PKHD1L1: variants seen among roughly 807,000 people sequenced by gnomAD.
The protein encoded by PKHD1L1 is fibrocystin-L.
Under a neutral mutation model 462.9 loss-of-function variants are expected in PKHD1L1, and 434 were observed. The ratio of observed to expected loss-of-function variants is 0.94; its 90% CI spans 0.87 to 1.02. The LOEUF is 1.02. Ranked by LOEUF, PKHD1L1 falls within the 50% of genes least tolerant of loss-of-function variation. PKHD1L1 has a pLI of 0.00. For synonymous variants in PKHD1L1, 1,781 were observed against 1,750.0 expected, an observed-to-expected ratio of 1.02 and a Z score of -0.44; for missense variants, 5,202 against 5,096.1, an observed-to-expected ratio of 1.02 and a Z score of -0.63.
intron 50 of PKHD1L1, chr8:109,470,237 A>T (rs971694433): frequency 1.5e-6 from 2 of 1,302,730 alleles, no homozygotes; most frequent in Non-Finnish European, 2.2e-6. Context: ...TGTTGGAAAT[A>T]CTCAGATCAT....
At chr8:109,429,562 G>A (rs1814972682) in intron 26 of PKHD1L1, 100 bp downstream of exon 26, 1 of 1,113,668 alleles carries the variant, frequency 9.0e-7, no homozygotes, top group African/African-American at 1.6e-5. Context: ...TTTGACTTCT[G>A]TATTTCATGG....
Position 109,443,709 on chromosome 8 carries a change from T to G in PKHD1L1, c.4598T>G (p.Val1533Gly). The G allele has an allele frequency of 1.2e-6, 2 of 1,613,446 alleles. No individual in the cohort carries two copies. The highest frequency in any genetic ancestry group is 1.7e-6 in the Non-Finnish European group (2 of 1,179,620). The change falls in exon 37 of 78, where the codon GTG becomes GGG. Residue 1533 changes from valine (V) to glycine (G), a missense_variant. Coordinates refer to ENST00000378402, the MANE Select transcript of PKHD1L1 (RefSeq NM_177531.6). ...GAGAATTTGCACTTGGGAAGCTCTGTGGCAGGCTGCCTAGCAACAGAACCC... is the reference window on the plus strand; with the variant it reads ...GAGAATTTGCACTTGGGAAGCTCTGGGGCAGGCTGCCTAGCAACAGAACCC... The part of the protein sequence containing the change: ...GPENLHLGSS[V>G]AGCLATEPLC...
chr8:109,398,744 G>A (rs1813102629), intron 12 of PKHD1L1, among the ~76,000 whole-genome samples, 196 bp downstream of exon 12: 1 of 151,948 alleles, frequency 6.6e-6, no homozygotes. Context: ...CTGTACCTAT[G>A]GAGAAAAACC....
At chr8:109,470,766 C>T in intron 50 of PKHD1L1, 1 of 1,537,580 alleles carries the variant, frequency 6.5e-7, no homozygotes. Context: ...GTAGGGAGGA[C>T]TGTTTTTTCA....
intron 2 of PKHD1L1, among the ~76,000 whole-genome samples, chr8:109,367,607 G>A (rs1293285206): frequency 1.3e-5 from 2 of 152,232 alleles, no homozygotes; most frequent in African/African-American, 2.4e-5. Flanking sequence ...GTTGGGCTGG[G>A]CACGTTGGTC....
chr8:109,415,032 C>T (rs913697422), intron 21 of PKHD1L1, among the ~76,000 whole-genome samples: 3 of 150,680 alleles, frequency 2.0e-5, no homozygotes, highest in African/African-American at 7.3e-5. Flanking sequence ...GGGTCTGATT[C>T]TGTCACCGTG....
At chr8:109,370,750 C>T (rs1028475250) in intron 2 of PKHD1L1, among the ~76,000 whole-genome samples, 3 of 152,038 alleles carry the variant, frequency 2.0e-5, no homozygotes, top group Non-Finnish European at 2.9e-5. Flanking sequence ...TGAGTGAGAA[C>T]ATGTGGTGTT....
chr8:109,378,037 T>C (rs1472026993), intron 2 of PKHD1L1, among the ~76,000 whole-genome samples: 1 of 152,148 alleles, frequency 6.6e-6, no homozygotes, highest in African/African-American at 2.4e-5. Flanking sequence ...ACTGTTATTC[T>C]GCCCATCTGA....
Position 109,536,385 on chromosome 8 carries a change from T to C in PKHD1L1, c.*6295T>C, listed in dbSNP as rs111590546. Among the ~76,000 whole-genome samples the C allele has an allele frequency of 1.8e-3, 276 of 152,372 alleles. 2 individuals carry two copies. The highest frequency in any genetic ancestry group is 6.3e-3 in the African/African-American group (264 of 41,582). On this transcript the variant is annotated 3_prime_UTR_variant, in exon 78 of 78. Transcript: ENST00000378402. ...TGTAGCTCAATGAATGAGTCTCACA[T>C]TGTTTCATGTTGTTTTATTTCTACT...
intron 72 of PKHD1L1, 45 bp from the exon 73 acceptor site, chr8:109,518,122 A>T: frequency 8.3e-7 from 1 of 1,206,530 alleles, no homozygotes; most frequent in Non-Finnish European, 1.2e-6. Flanking sequence ...GATTGTGATA[A>T]TATAAAATAC....
At position 109,466,663 on chromosome 8, in the gene PKHD1L1, C is replaced by A. The variant is rs377729726; in HGVS notation, c.8499C>A (p.Phe2833Leu). The A allele has an allele frequency of 6.2e-7, 1 of 1,611,320 alleles. No homozygotes were observed. The highest frequency in any genetic ancestry group is 8.5e-7 in the Non-Finnish European group (1 of 1,178,754). Residue 2833 changes from phenylalanine to leucine, a missense_variant, in exon 50 of 78, where the codon TTC (phenylalanine) becomes TTA (leucine). Around this residue, in one of 3 missense-constraint regions of PKHD1L1, gnomAD observed 4,497 missense variants for 4,336.8 expected, o/e 1.04. Coordinates refer to ENST00000378402, the MANE Select transcript of PKHD1L1 (RefSeq NM_177531.6). ...CTQEAEWSIG[F>L]PGSVCDASVS... ...AGGAAGCTGAGTGGAGCATTGGGTT[C>A]CCTGGATCAGTCTGTGATGCTTCAG...
chr8:109,447,729 G>A (rs1297414709), intron 38 of PKHD1L1, among the ~76,000 whole-genome samples: 1 of 152,232 alleles, frequency 6.6e-6, no homozygotes, highest in East Asian at 1.9e-4. Flanking sequence ...CTCCTCAAAA[G>A]AGCTGCTAAT....
chr8:109,475,783 G>A (rs1413203503), intron 51 of PKHD1L1, among the ~76,000 whole-genome samples: 2 of 147,060 alleles, frequency 1.4e-5, no homozygotes, highest in African/African-American at 2.5e-5. Context: ...AAGAGGCAGA[G>A]GTTGCAGTGA....
chr8:109,425,551 TTAAAAGTCTGCAAAAATTTATA>T (rs1171609249), intron 24 of PKHD1L1, among the ~76,000 whole-genome samples: 1 of 152,078 alleles, frequency 6.6e-6, no homozygotes, highest in African/African-American at 2.4e-5. Context: ...AATAATATTT[TTAAAAGTCTGCAAAAATTTATA>T]ACAATTTTTT....
At chr8:109,401,185 C>CT (rs1471840318) in intron 13 of PKHD1L1, among the ~76,000 whole-genome samples, 1 of 152,024 alleles carries the variant, frequency 6.6e-6, no homozygotes, top group Non-Finnish European at 1.5e-5. Context: ...CAATAACTAC[C>CT]TTTTTCCTGG....
chr8:109,445,144 G>A lies in PKHD1L1; in HGVS notation c.5275G>A (p.Val1759Ile), dbSNP rs1269498962. 6.2e-7 allele frequency: 1 copy of A among 1,613,904 alleles called. No individual in the cohort carries two copies. The highest frequency in any genetic ancestry group is 1.3e-5 in the African/African-American group (1 of 75,024). The change falls in exon 38 of 78, where the codon GTC becomes ATC. Residue 1759 changes from valine to isoleucine, a missense_variant. Val to Ile is a conservative substitution (Grantham distance 29). Around this residue, in one of 3 missense-constraint regions of PKHD1L1, gnomAD observed 4,497 missense variants for 4,336.8 expected, o/e 1.04. Coordinates refer to ENST00000378402, the MANE Select transcript of PKHD1L1 (RefSeq NM_177531.6). Reference protein sequence around the residue: ...PYITGVFPNSVIGSVKVLIEG... With the variant: ...PYITGVFPNSIIGSVKVLIEG... The stretch of plus-strand genomic sequence containing the variant: ...CATAACAGGAGTCTTCCCAAACTCT[G>A]TCATAGGATCTGTAAAAGTTCTTAT...
At chr8:109,486,550 G>T in intron 58 of PKHD1L1, 98 bp from the exon 59 acceptor site, 3 of 1,110,034 alleles carry the variant, frequency 2.7e-6, no homozygotes, top group Non-Finnish European at 3.8e-6. Context: ...TTCATTTTTG[G>T]CTTATTAGAA....
At chr8:109,488,546 C>A (rs2130911819) in intron 59 of PKHD1L1, among the ~76,000 whole-genome samples, 1 of 152,078 alleles carries the variant, frequency 6.6e-6, no homozygotes, top group South Asian at 2.1e-4. Flanking sequence ...TTATTTGGAT[C>A]CCACAATCTG....
intron 38 of PKHD1L1, among the ~76,000 whole-genome samples, chr8:109,446,894 T>C (rs1385141879): frequency 1.3e-5 from 2 of 152,154 alleles, no homozygotes; most frequent in African/African-American, 4.8e-5. Context: ...CAAAATTAAA[T>C]GTTAAGACCT....
Sources: gnomAD v4.1 joint callset for allele counts (sites outside exome capture counted in the v4.1 genomes callset) on GRCh38, gnomAD v4.1.1 for gene constraint, gnomAD v4.1.1 regional missense constraint, MANE v1.5 for transcripts, NCBI Gene and HGNC (gene_info 2026-07-23, HGNC 2026-07-21) for gene names.